The following SLIT3 variants were observed in gnomAD, a reference collection of about 807,000 sequenced individuals.
SLIT3 encodes slit homolog 3 protein.
A neutral mutation model predicts 184.0 loss-of-function variants in SLIT3; 68 were observed. The observed-to-expected ratio is 0.37, with a 90% CI of 0.30 to 0.45. SLIT3 has a LOEUF of 0.45. SLIT3 is among the 20% of genes least tolerant of loss of function. The pLI, the probability that SLIT3 is intolerant of heterozygous loss-of-function variation, is 1.00. For missense variants in SLIT3, 1,707 were observed against 2,026.0 expected, an observed-to-expected ratio of 0.84 and a Z score of 3.02; for synonymous variants, 831 against 828.6, an observed-to-expected ratio of 1.00 and a Z score of -0.05.
rs540309809 is a variant in SLIT3, at chr5:168,967,437, C to CTTTTTT, written c.414-84107_414-84102dup. Among the ~76,000 whole-genome samples the CTTTTTT allele has an allele frequency of 6.7e-3, 219 of 32,734 alleles. 76 individuals carry two copies. The highest frequency in any genetic ancestry group is 0.022 in the East Asian group (10 of 450). 21.5% of individuals were successfully genotyped at this position (32,734 alleles called of 152,430 possible). On this transcript the variant is annotated intron_variant, in intron 4 of 35. Transcript: ENST00000519560. ...TTCCTCTGGCACTGCCATCTCAAAT[C>CTTTTTT]TTTTTTTTTTTTTTTTTTTTGAGAC... is the stretch of plus-strand genomic sequence containing the variant.
intron 4 of SLIT3, among the ~76,000 whole-genome samples, chr5:169,107,315 C>T (rs543143771): frequency 9.2e-5 from 14 of 152,238 alleles, no homozygotes; most frequent in East Asian, 1.9e-4. Flanking sequence ...GAAAATCAAG[C>T]GTCCCTCTTG....
Position 169,240,195 on chromosome 5 carries a change from G to T in SLIT3, c.341+4510C>A, listed in dbSNP as rs181305719. On this transcript the variant is annotated intron_variant, in intron 3 of 35. Transcript: ENST00000519560. ...TCAGTATATAATAAAACTTTCATAT[G>T]CCCTTGAAAAGATGTCTATTCTATG... 2.5e-3 allele frequency among the ~76,000 whole-genome samples: 373 copies of T among 151,830 alleles called. 3 individuals are homozygous for T. Among genetic ancestry groups the T allele is most frequent in the African/African-American group, 8.5e-3 (353 of 41,450 alleles).
intron 4 of SLIT3, among the ~76,000 whole-genome samples, chr5:169,034,945 G>GTA (rs1004838136): frequency 1.3e-5 from 2 of 150,094 alleles, no homozygotes; most frequent in Non-Finnish European, 3.0e-5. Context: ...GTGTGTGTGT[G>GTA]TGTGTGTGTG....
chr5:169,299,035 T>C (rs1767597985), intron 1 of SLIT3, among the ~76,000 whole-genome samples: 4 of 152,226 alleles, frequency 2.6e-5, no homozygotes, highest in Non-Finnish European at 4.4e-5. Flanking sequence ...ACTAACTTAA[T>C]GTCTGAATTA....
intron 11 of SLIT3, 40 bp downstream of exon 11, chr5:168,789,520 C>T (rs768936020): frequency 6.5e-7 from 1 of 1,535,878 alleles, no homozygotes; most frequent in Non-Finnish European, 9.0e-7. Context: ...CCAGCGCCCC[C>T]CCTCCCCTCA....
intron 8 of SLIT3, among the ~76,000 whole-genome samples, chr5:168,809,909 G>A (rs1269660773): frequency 6.6e-6 from 1 of 152,200 alleles, no homozygotes; most frequent in Non-Finnish European, 1.5e-5. Context: ...GTAGAATGGG[G>A]AGGTGGAGTG....
intron 4 of SLIT3, among the ~76,000 whole-genome samples, chr5:169,178,740 T>C (rs1230957450): frequency 6.6e-6 from 1 of 152,202 alleles, no homozygotes; most frequent in Non-Finnish European, 1.5e-5. Context: ...CTTTCCATTC[T>C]ATAATCCTTC....
intron 4 of SLIT3, among the ~76,000 whole-genome samples, chr5:169,187,618 A>C (rs1016227187): frequency 6.7e-6 from 1 of 148,254 alleles, no homozygotes; most frequent in African/African-American, 2.5e-5. Context: ...GCCGTGGCAC[A>C]ATCTCGGCTA....
chr5:168,722,186 G>A (rs1762963329), intron 23 of SLIT3, 70 bp downstream of exon 23: 3 of 1,356,246 alleles, frequency 2.2e-6, no homozygotes, highest in Non-Finnish European at 3.2e-6. Flanking sequence ...TGGGGAAGGG[G>A]AGTGCTTAGT....
chr5:169,059,723 A>T (rs1758117598), intron 4 of SLIT3, among the ~76,000 whole-genome samples: 1 of 152,244 alleles, frequency 6.6e-6, no homozygotes, highest in Non-Finnish European at 1.5e-5. Flanking sequence ...GCCTGAGTCT[A>T]CCAGTCCCAC....
intron 35 of SLIT3, among the ~76,000 whole-genome samples, chr5:168,668,944 T>C (rs1343582453): frequency 6.6e-6 from 1 of 152,224 alleles, no homozygotes; most frequent in Admixed American, 6.5e-5. Context: ...AATTTTTGTA[T>C]TTTTAGTAGA....
At chr5:168,704,739 T>A (rs930280671) in intron 26 of SLIT3, among the ~76,000 whole-genome samples, 2 of 152,196 alleles carry the variant, frequency 1.3e-5, no homozygotes, top group African/African-American at 4.8e-5. Flanking sequence ...TTTTTTATAA[T>A]ATTGTGGCTT....
At chr5:168,883,167 G>T in intron 5 of SLIT3, 98 bp downstream of exon 5, 1 of 870,302 alleles carries the variant, frequency 1.1e-6, no homozygotes. Flanking sequence ...ATCTCTGAAG[G>T]CACCTGGACC....
At chr5:169,029,145 C>A (rs1000430586) in intron 4 of SLIT3, among the ~76,000 whole-genome samples, 1 of 152,190 alleles carries the variant, frequency 6.6e-6, no homozygotes, top group Non-Finnish European at 1.5e-5. Flanking sequence ...GCAAGTTGAT[C>A]CCATAAGCTA....
At chr5:168,936,101 A>G (rs1262313949) in intron 4 of SLIT3, among the ~76,000 whole-genome samples, 1 of 152,230 alleles carries the variant, frequency 6.6e-6, no homozygotes, top group African/African-American at 2.4e-5. Flanking sequence ...TTAGTGAAAG[A>G]GAGCAAAGAG....
intron 16 of SLIT3, among the ~76,000 whole-genome samples, chr5:168,755,474 GC>G (rs1754909913): frequency 1.5e-5 from 2 of 134,060 alleles, no homozygotes; most frequent in South Asian, 5.1e-4. Flanking sequence ...TCTCCTTGTT[GC>G]CCAGGCTAGA....
At chr5:169,296,990 T>C (rs1347014111) in intron 1 of SLIT3, among the ~76,000 whole-genome samples, 7 of 152,204 alleles carry the variant, frequency 4.6e-5, no homozygotes, top group Admixed American at 4.6e-4. Flanking sequence ...ATCTGCCTCC[T>C]CTTTTTCCAG....
chr5:168,871,653 T>G (rs1466947), intron 5 of SLIT3, among the ~76,000 whole-genome samples: 30,561 of 151,956 alleles, frequency 0.2, 3,960 homozygotes, highest in African/African-American at 0.37. Flanking sequence ...TGACTTTTTT[T>G]GGGGGCACAT....
intron 3 of SLIT3, among the ~76,000 whole-genome samples, chr5:169,208,347 C>G (rs757651032): frequency 7.2e-5 from 11 of 152,160 alleles, no homozygotes; most frequent in Non-Finnish European, 1.6e-4. Context: ...TTGTAGTTCT[C>G]CTTGCAGAGG....
Sources: allele counts gnomAD v4.1 joint callset (sites outside exome capture counted in the v4.1 genomes callset), GRCh38; gene constraint gnomAD v4.1.1; transcripts MANE v1.5; gene names NCBI Gene and HGNC (gene_info 2026-07-23, HGNC 2026-07-21).